THSD4: variants seen among roughly 807,000 people sequenced by gnomAD.
THSD4 encodes the protein thrombospondin type 1 domain containing 4, also known as thrombospondin type-1 domain-containing protein 4.
In THSD4, 69 loss-of-function variants were observed where a neutral mutation model predicts 119.0. The ratio of observed to expected loss-of-function variants is 0.58; its 90% CI spans 0.48 to 0.71. The LOEUF (loss-of-function observed/expected upper bound fraction) is 0.71. Among genes scored for constraint, THSD4 ranks in the 30% least tolerant of loss-of-function variants. The pLI is 0.00. For synonymous variants in THSD4, 524 were observed against 540.4 expected, an observed-to-expected ratio of 0.97 and a Z score of 0.42; for missense variants, 1,393 against 1,391.1, an observed-to-expected ratio of 1.00 and a Z score of -0.02.
chr15:71,346,868 C>CA (rs1174470703), intron 6 of THSD4, among the ~76,000 whole-genome samples: 4 of 86,008 alleles, frequency 4.7e-5, no homozygotes, highest in Admixed American at 1.8e-4. Context: ...TTTTCATTTT[C>CA]TTTTTTTTTT....
intron 7 of THSD4, among the ~76,000 whole-genome samples, chr15:71,646,584 C>T (rs1481971494): frequency 2.6e-5 from 4 of 152,188 alleles, no homozygotes; most frequent in Non-Finnish European, 4.4e-5. Context: ...TTAAATAAAA[C>T]ATAATATGCA....
chr15:71,688,545 T>A (rs1012498657), intron 8 of THSD4, among the ~76,000 whole-genome samples: 7 of 152,212 alleles, frequency 4.6e-5, no homozygotes, highest in African/African-American at 1.7e-4. Flanking sequence ...CCAGCCTAGA[T>A]GAGAAGCTTA....
intron 6 of THSD4, among the ~76,000 whole-genome samples, chr15:71,314,274 G>C (rs2045155279): frequency 2.0e-5 from 3 of 151,658 alleles, no homozygotes; most frequent in South Asian, 2.1e-4. Context: ...TATTAATTTT[G>C]ATAAGTTACT....
rs368951769 is a variant in THSD4, at chr15:71,517,394, G to A, written c.1152+105571G>A. Among the ~76,000 whole-genome samples the A allele has an allele frequency of 8.5e-5, 13 of 152,106 alleles. No individual in the cohort carries two copies. The East Asian group carries it at 1.5e-3, about 18-fold the overall frequency. On this transcript the variant is annotated intron_variant, in intron 7 of 17. Transcript: ENST00000261862. ...CTTCTTCCTCTTGCTTCACCTGTGT[G>A]TCCTAACCTCACTTTCATTCTAGCC...
chr15:71,133,554 A>G (rs776587818), intron 1 of THSD4, among the ~76,000 whole-genome samples: 2 of 152,222 alleles, frequency 1.3e-5, no homozygotes, highest in South Asian at 4.1e-4. Context: ...CTAGTTCTGC[A>G]TCTGAGACTT....
rs578262444 is a variant in THSD4, at chr15:71,174,273, G to T, written c.99+19341G>T. On this transcript the variant is annotated intron_variant, in intron 3 of 17. Transcript: ENST00000261862. ...CACTAGGGAGTGCCAGACAGTGGGCGCAGGCCAGTGTGTGCGCGCGCCGAA... is the reference window on the plus strand; with the variant it reads ...CACTAGGGAGTGCCAGACAGTGGGCTCAGGCCAGTGTGTGCGCGCGCCGAA... Among the ~76,000 whole-genome samples, 22 of 152,264 alleles carry T rather than the reference G, an allele frequency of 1.4e-4. No homozygotes were observed. In the South Asian group the frequency reaches 2.1e-3, roughly 14 times the overall value.
intron 7 of THSD4, among the ~76,000 whole-genome samples, chr15:71,587,762 T>G (rs1434546345): frequency 1.2e-5 from 1 of 81,504 alleles, no homozygotes; most frequent in African/African-American, 4.2e-5. Flanking sequence ...ACCCTAAAAC[T>G]TAGAGTATAA....
At chr15:71,508,453 T>C (rs2048226680) in intron 7 of THSD4, among the ~76,000 whole-genome samples, 1 of 152,198 alleles carries the variant, frequency 6.6e-6, no homozygotes, top group South Asian at 2.1e-4. Context: ...CTACCCAGTT[T>C]TGCCCTGCTG....
intron 6 of THSD4, among the ~76,000 whole-genome samples, chr15:71,315,543 G>T (rs2045175845): frequency 6.6e-6 from 1 of 152,232 alleles, no homozygotes; most frequent in Non-Finnish European, 1.5e-5. Flanking sequence ...ACCCAGGATA[G>T]GAGGTCAGCT....
At chr15:71,638,125 G>A (rs2050786081) in intron 7 of THSD4, among the ~76,000 whole-genome samples, 1 of 152,200 alleles carries the variant, frequency 6.6e-6, no homozygotes, top group Non-Finnish European at 1.5e-5. Flanking sequence ...TTTAAAAAGT[G>A]CAGGAAGCAT....
intron 7 of THSD4, among the ~76,000 whole-genome samples, chr15:71,538,023 G>A (rs1595867310): frequency 6.6e-6 from 1 of 152,028 alleles, no homozygotes; most frequent in East Asian, 1.9e-4. Flanking sequence ...GCCTTCCAAA[G>A]TGCTGGGATT....
chr15:71,640,216 G>A (rs2050829561), intron 7 of THSD4, among the ~76,000 whole-genome samples: 1 of 151,906 alleles, frequency 6.6e-6, no homozygotes, highest in Admixed American at 6.6e-5. Flanking sequence ...CCTAGTAGCT[G>A]GGACTACAGG....
chr15:71,257,225 T>G (rs146299257), intron 6 of THSD4, among the ~76,000 whole-genome samples: 1 of 152,200 alleles, frequency 6.6e-6, no homozygotes, highest in South Asian at 2.1e-4. Flanking sequence ...CATTTCCAGA[T>G]GACAGAAGAT....
chr15:71,656,163 T>C (rs1435775311), intron 7 of THSD4, among the ~76,000 whole-genome samples: 2 of 152,118 alleles, frequency 1.3e-5, no homozygotes, highest in African/African-American at 4.8e-5. Context: ...TAATAGTTCA[T>C]GAAACATCAA....
chr15:71,496,176 G>C (rs2048014847), intron 7 of THSD4, among the ~76,000 whole-genome samples: 1 of 152,174 alleles, frequency 6.6e-6, no homozygotes, highest in Non-Finnish European at 1.5e-5. Context: ...ATAATTTAAG[G>C]ATATGTAATT....
chr15:71,395,942 CACACACACACAAACACAG>C lies in THSD4; in HGVS notation c.1016-15742_1016-15725del, dbSNP rs1438211433. The stretch of plus-strand genomic sequence containing the variant: ...ACACACACACACACACACACACACA[CACACACACACAAACACAG>C]ACTTTGTTGAGCACATGGCCTGTTG... On this transcript the variant is annotated intron_variant, in intron 6 of 17. Transcript: ENST00000261862. Among the ~76,000 whole-genome samples the C allele has an allele frequency of 2.1e-3, 316 of 150,562 alleles. 2 individuals are homozygous for C. The highest frequency in any genetic ancestry group is 0.01 in the Middle Eastern group (3 of 294).
chr15:71,511,425 C>G (rs1042796939), intron 7 of THSD4, among the ~76,000 whole-genome samples: 7 of 152,278 alleles, frequency 4.6e-5, no homozygotes, highest in African/African-American at 1.7e-4. Context: ...GGTGTTCACT[C>G]TGAATTGAAC....
At chr15:71,285,741 C>A (rs575652368) in intron 6 of THSD4, among the ~76,000 whole-genome samples, 1 of 151,460 alleles carries the variant, frequency 6.6e-6, no homozygotes, top group South Asian at 2.1e-4. Flanking sequence ...GTAGTCCCAG[C>A]TATTCAGGAG....
chr15:71,699,674 G>A (rs2052244981), intron 8 of THSD4, among the ~76,000 whole-genome samples: 1 of 152,138 alleles, frequency 6.6e-6, no homozygotes, highest in Admixed American at 6.5e-5. Context: ...TTGAGAGATG[G>A]CAGGTCCAGA....
Sources: allele counts gnomAD v4.1 joint callset (sites outside exome capture counted in the v4.1 genomes callset), GRCh38; gene constraint gnomAD v4.1.1; transcripts MANE v1.5; gene names NCBI Gene and HGNC (gene_info 2026-07-23, HGNC 2026-07-21).